The following KCNN3 variants were observed in gnomAD, a reference collection of about 807,000 sequenced individuals.
KCNN3 encodes small conductance calcium-activated potassium channel protein 3.
KCNN3 carries 16 observed loss-of-function variants against 62.9 expected under a neutral mutation model. The observed-to-expected ratio is 0.25, with a 90% confidence interval of 0.17 to 0.39. The LOEUF (loss-of-function observed/expected upper bound fraction) is 0.39. Ranked by LOEUF, KCNN3 falls within the 10% of genes least tolerant of loss-of-function variation. KCNN3 has a pLI of 1.00. For missense variants in KCNN3, 599 were observed against 949.4 expected, an observed-to-expected ratio of 0.63 and a Z score of 4.85; for synonymous variants, 370 against 389.2, an observed-to-expected ratio of 0.95 and a Z score of 0.58.
At chr1:154,834,722 A>T (rs1017795946) in intron 1 of KCNN3, among the ~76,000 whole-genome samples, 2 of 152,168 alleles carry the variant, frequency 1.3e-5, no homozygotes, top group Non-Finnish European at 2.9e-5. Flanking sequence ...ACAGGAAGGA[A>T]CTGTCCCCAC....
chr1:154,799,306 C>T (rs1649858530), intron 2 of KCNN3, among the ~76,000 whole-genome samples: 1 of 152,212 alleles, frequency 6.6e-6, no homozygotes, highest in Non-Finnish European at 1.5e-5. Flanking sequence ...TCTCCAGTCT[C>T]AGCCAGCATT....
chr1:154,796,759 T>C (rs1273957661), intron 2 of KCNN3, among the ~76,000 whole-genome samples: 1 of 152,200 alleles, frequency 6.6e-6, no homozygotes, highest in African/African-American at 2.4e-5. Context: ...GGCCAAGCTG[T>C]GCAAGGCACT....
At chr1:154,800,589 C>T (rs1344961357) in intron 2 of KCNN3, among the ~76,000 whole-genome samples, 1 of 152,062 alleles carries the variant, frequency 6.6e-6, no homozygotes, top group African/African-American at 2.4e-5. Flanking sequence ...AAGCAGACAC[C>T]ACCCCACCCT....
At chr1:154,859,666 C>A (rs764577384) in intron 1 of KCNN3, 3 of 1,610,450 alleles carry the variant, frequency 1.9e-6, no homozygotes, top group Non-Finnish European at 2.5e-6. Context: ...TCCTCCCTAC[C>A]TACTGGGTAA....
intron 2 of KCNN3, 81 bp downstream of exon 2, chr1:154,822,008 T>G: frequency 9.8e-7 from 1 of 1,019,648 alleles, no homozygotes; most frequent in Non-Finnish European, 1.5e-6. Flanking sequence ...GGGAGTGGGT[T>G]TTGGGGGTGG....
At chr1:154,822,503 G>C (rs997243496) in intron 1 of KCNN3, among the ~76,000 whole-genome samples, 1 of 152,220 alleles carries the variant, frequency 6.6e-6, no homozygotes, top group Non-Finnish European at 1.5e-5. Flanking sequence ...TTGCTGATGT[G>C]TTATTTAGAA....
At chr1:154,868,131 G>A in intron 1 of KCNN3, 3 of 985,572 alleles carry the variant, frequency 3.0e-6, no homozygotes, top group Non-Finnish European at 3.6e-6. Context: ...GGTGGGAGGG[G>A]AGAACTGGGG....
intron 5 of KCNN3, among the ~76,000 whole-genome samples, chr1:154,724,890 T>A (rs918419920): frequency 4.0e-5 from 6 of 151,548 alleles, no homozygotes; most frequent in Admixed American, 3.9e-4. Context: ...GGAGTCTTGC[T>A]CTGTCGCCCA....
At chr1:154,817,607 G>A (rs1188155616) in intron 2 of KCNN3, among the ~76,000 whole-genome samples, 1 of 152,184 alleles carries the variant, frequency 6.6e-6, no homozygotes, top group South Asian at 2.1e-4. Flanking sequence ...CGCCAAGCTG[G>A]GCTGCTCTGA....
intron 3 of KCNN3, among the ~76,000 whole-genome samples, chr1:154,739,742 C>T (rs1423190042): frequency 6.6e-6 from 1 of 152,224 alleles, no homozygotes; most frequent in Non-Finnish European, 1.5e-5. Flanking sequence ...GGTGATCTCT[C>T]ACTAGTTATC....
At chr1:154,846,460 C>G (rs1055831015) in intron 1 of KCNN3, among the ~76,000 whole-genome samples, 17 of 152,314 alleles carry the variant, frequency 1.1e-4, no homozygotes, top group African/African-American at 4.1e-4. Flanking sequence ...GCGTCTGCCC[C>G]CCGGGAGGAG....
chr1:154,767,200 G>T (rs974363783), intron 3 of KCNN3, among the ~76,000 whole-genome samples: 4 of 152,114 alleles, frequency 2.6e-5, no homozygotes, highest in Non-Finnish European at 5.9e-5. Flanking sequence ...GAAAGAATGG[G>T]CCACAAATTG....
chr1:154,787,396 G>T (rs1384082979), intron 2 of KCNN3, among the ~76,000 whole-genome samples: 1 of 152,248 alleles, frequency 6.6e-6, no homozygotes, highest in Admixed American at 6.5e-5. Flanking sequence ...ACTGCTGCTG[G>T]TGAGAGGTCA....
chr1:154,784,886 T>C (rs925729988), intron 2 of KCNN3, among the ~76,000 whole-genome samples: 1 of 152,148 alleles, frequency 6.6e-6, no homozygotes, highest in Admixed American at 6.5e-5. Flanking sequence ...TTACTACAGG[T>C]CATACAGTTA....
intron 2 of KCNN3, among the ~76,000 whole-genome samples, chr1:154,810,732 G>A (rs17663129): frequency 6.6e-6 from 1 of 152,150 alleles, no homozygotes; most frequent in Non-Finnish European, 1.5e-5. Flanking sequence ...CTGGGTTACT[G>A]TTCAGCCCTA....
chr1:154,755,687 A>C (rs1647635378), intron 3 of KCNN3, among the ~76,000 whole-genome samples: 1 of 150,062 alleles, frequency 6.7e-6, no homozygotes, highest in East Asian at 2.0e-4. Context: ...GAGAGGGAGA[A>C]GGAGAAGGGA....
intron 3 of KCNN3, among the ~76,000 whole-genome samples, chr1:154,746,748 G>A (rs985694010): frequency 3.3e-5 from 5 of 152,172 alleles, no homozygotes; most frequent in African/African-American, 1.2e-4. Flanking sequence ...CTGCCTCCAA[G>A]GAGCTGGCTA....
At position 154,715,131 on chromosome 1, in the gene KCNN3, C is replaced by T. The variant is rs765855868; in HGVS notation, c.1702-128G>A. The T allele has an allele frequency of 1.8e-4, 205 of 1,166,090 alleles. 1 individual carries two copies. The highest frequency in any genetic ancestry group is 3.0e-5 in the Non-Finnish European group (24 of 799,262). The allele number at this position is 1,166,090 out of a possible 1,614,324, so 72.2% of individuals were successfully genotyped here. On this transcript the variant is annotated intron_variant, in intron 5 of 7. Coordinates refer to ENST00000271915, the MANE Select transcript of KCNN3 (RefSeq NM_002249.6). Reference sequence around the variant, plus strand: ...TGATCTATTTTCTTAACCAAAATCACGGAACTCCTAGAAAAGATGATTAAG... The same window carrying T: ...TGATCTATTTTCTTAACCAAAATCATGGAACTCCTAGAAAAGATGATTAAG...
intron 2 of KCNN3, among the ~76,000 whole-genome samples, chr1:154,797,758 G>A (rs1028374672): frequency 6.6e-6 from 1 of 152,204 alleles, no homozygotes; most frequent in Non-Finnish European, 1.5e-5. Context: ...AGCAGATGCT[G>A]GAGGAATTCT....
Sources: gnomAD v4.1 joint callset for allele counts (sites outside exome capture counted in the v4.1 genomes callset) on GRCh38, gnomAD v4.1.1 for gene constraint, MANE v1.5 for transcripts, NCBI Gene and HGNC (gene_info 2026-07-23, HGNC 2026-07-21) for gene names.